PDE3B: variants seen among roughly 807,000 people sequenced by gnomAD.
The protein encoded by PDE3B is phosphodiesterase 3B.
Under a neutral mutation model 116.8 loss-of-function variants are expected in PDE3B, and 66 were observed. That is an observed-to-expected ratio of 0.56 (90% CI 0.46 to 0.69). The LOEUF (loss-of-function observed/expected upper bound fraction) is 0.69, where lower values mean the gene tolerates loss of function less well. Ranked by LOEUF, PDE3B falls within the 30% of genes least tolerant of loss-of-function variation. PDE3B has a pLI of 0.00. For synonymous variants in PDE3B, 595 were observed against 533.6 expected (o/e 1.12, Z -1.59); for missense variants, 1,384 against 1,368.1 (o/e 1.01, Z -0.18).
At chr11:14,699,793 T>C (rs1378604643) in intron 1 of PDE3B, among the ~76,000 whole-genome samples, 1 of 151,878 alleles carries the variant, frequency 6.6e-6, no homozygotes, top group Non-Finnish European at 1.5e-5. Context: ...CAGAAGGTGT[T>C]ATTTAGTGAA....
chr11:14,897,957 G>A, the PDE3B span, among the ~76,000 whole-genome samples: 1 of 152,060 alleles, frequency 6.6e-6, no homozygotes, highest in Admixed American at 6.6e-5. Context: ...AACGAGAAAG[G>A]CTCTAGACTT....
chr11:14,780,139 A>G (rs1857937812), intron 2 of PDE3B, among the ~76,000 whole-genome samples: 1 of 152,220 alleles, frequency 6.6e-6, no homozygotes, highest in Non-Finnish European at 1.5e-5. Flanking sequence ...TATGCACCCA[A>G]TATAGGAGCA....
intron 1 of PDE3B, among the ~76,000 whole-genome samples, chr11:14,742,235 G>A (rs988468778): frequency 2.0e-5 from 3 of 152,110 alleles, no homozygotes; most frequent in Non-Finnish European, 2.9e-5. Context: ...CAAATCAAAC[G>A]CAATTTGGTC....
At chr11:14,764,892 TCTC>T (rs1857454310) in intron 1 of PDE3B, among the ~76,000 whole-genome samples, 1 of 151,586 alleles carries the variant, frequency 6.6e-6, no homozygotes, top group African/African-American at 2.4e-5. Flanking sequence ...TTTTTCTGCT[TCTC>T]AGTTTTTCTG....
At chr11:14,891,388 G>C in the PDE3B span, 3 of 985,660 alleles carry the variant, frequency 3.0e-6, no homozygotes, top group Non-Finnish European at 3.6e-6. Flanking sequence ...GACCCCCGCA[G>C]CGGATTTTAG....
downstream of PDE3B, among the ~76,000 whole-genome samples, chr11:14,874,781 A>G (rs1555009519): frequency 6.6e-6 from 1 of 152,182 alleles, no homozygotes; most frequent in African/African-American, 2.4e-5. Flanking sequence ...TTATCAGAGT[A>G]TAAAACATTT....
chr11:14,857,512 C>G (rs1053517472), intron 12 of PDE3B, among the ~76,000 whole-genome samples: 1 of 152,156 alleles, frequency 6.6e-6, no homozygotes, highest in Non-Finnish European at 1.5e-5. Flanking sequence ...TCCACTTACT[C>G]TTCATATAGG....
At chr11:14,697,705 A>G (rs546183316) in intron 1 of PDE3B, among the ~76,000 whole-genome samples, 5 of 152,244 alleles carry the variant, frequency 3.3e-5, no homozygotes, top group Admixed American at 3.3e-4. Context: ...AGTCTTTTGA[A>G]CCATGAGCAT....
intron 1 of PDE3B, among the ~76,000 whole-genome samples, chr11:14,748,446 T>A (rs1318910552): frequency 6.6e-6 from 1 of 152,212 alleles, no homozygotes; most frequent in Non-Finnish European, 1.5e-5. Flanking sequence ...TTCATAATAT[T>A]CTTTGAATTT....
At chr11:14,690,333 T>A (rs761197315) in intron 1 of PDE3B, among the ~76,000 whole-genome samples, 1 of 152,182 alleles carries the variant, frequency 6.6e-6, no homozygotes, top group Non-Finnish European at 1.5e-5. Context: ...TTGTGAACAG[T>A]TTGTGAAGAC....
intron 5 of PDE3B, among the ~76,000 whole-genome samples, chr11:14,812,392 G>T (rs917051036): frequency 1.3e-5 from 2 of 151,980 alleles, no homozygotes; most frequent in Non-Finnish European, 2.9e-5. Context: ...GGTCAAAGAA[G>T]AAAAAGCAAT....
At chr11:14,736,397 C>T (rs1856603078) in intron 1 of PDE3B, among the ~76,000 whole-genome samples, 1 of 152,092 alleles carries the variant, frequency 6.6e-6, no homozygotes, top group Non-Finnish European at 1.5e-5. Flanking sequence ...GGCACATTTT[C>T]GTAGAGAACA....
At chr11:14,730,950 T>G (rs2133853762) in intron 1 of PDE3B, among the ~76,000 whole-genome samples, 1 of 152,312 alleles carries the variant, frequency 6.6e-6, no homozygotes, top group Admixed American at 6.5e-5. Flanking sequence ...ACTTTTAAAT[T>G]AAACATGAAC....
intron 11 of PDE3B, among the ~76,000 whole-genome samples, chr11:14,835,461 A>C (rs1279750501): frequency 2.6e-5 from 4 of 151,962 alleles, no homozygotes; most frequent in Non-Finnish European, 2.9e-5. Flanking sequence ...TTTTTGTTTC[A>C]AGTACATCAC....
intron 2 of PDE3B, among the ~76,000 whole-genome samples, chr11:14,782,204 A>G (rs1428107617): frequency 6.6e-6 from 1 of 152,240 alleles, no homozygotes; most frequent in Admixed American, 6.5e-5. Context: ...TTATAGATTC[A>G]ATGCCATCCC....
chr11:14,880,183 A>C, the PDE3B span: 1 of 1,612,874 alleles, frequency 6.2e-7, no homozygotes, highest in Non-Finnish European at 8.5e-7. Context: ...CCACCGTAGC[A>C]CATTGGTTGT....
chr11:14,891,304 A>G, the PDE3B span: 8 of 985,434 alleles, frequency 8.1e-6, no homozygotes, highest in Non-Finnish European at 9.6e-6. Context: ...AGTGGCACAC[A>G]GAAGGCGCCT....
At chr11:14,694,890 A>G (rs965971790) in intron 1 of PDE3B, among the ~76,000 whole-genome samples, 1 of 152,172 alleles carries the variant, frequency 6.6e-6, no homozygotes, top group Admixed American at 6.5e-5. Context: ...AGATTAAATA[A>G]TGGTTTTAAA....
intron 1 of PDE3B, among the ~76,000 whole-genome samples, chr11:14,710,703 G>C (rs905309624): frequency 2.6e-5 from 4 of 152,122 alleles, no homozygotes; most frequent in African/African-American, 9.7e-5. Context: ...GTTGGGGAGG[G>C]CGAAAAAGAG....
Sources: allele counts gnomAD v4.1 joint callset (sites outside exome capture counted in the v4.1 genomes callset), GRCh38; gene constraint gnomAD v4.1.1; transcripts MANE v1.5; gene names NCBI Gene and HGNC (gene_info 2026-07-23, HGNC 2026-07-21).